Variants in MGST1 observed in about 807,000 individuals in gnomAD.
The protein encoded by MGST1 is microsomal glutathione S-transferase 1.
A neutral mutation model predicts 8.9 loss-of-function variants in MGST1; 5 were observed. The observed-to-expected ratio is 0.56, with a 90% CI of 0.29 to 1.19. The LOEUF is 1.19. Ranked by LOEUF, MGST1 falls within the 50% of genes most tolerant of loss-of-function variation. The pLI is 0.08. For synonymous variants in MGST1, 54 were observed against 67.8 expected, an observed-to-expected ratio of 0.80 and a Z score of 1.00; for missense variants, 182 against 187.4, an observed-to-expected ratio of 0.97 and a Z score of 0.17.
At chr12:16,381,393 T>C (rs1940452961), downstream of MGST1, among the ~76,000 whole-genome samples, 1 of 152,204 alleles carries the variant, frequency 6.6e-6, no homozygotes, top group African/African-American at 2.4e-5. Context: ...TCTCTTTCAC[T>C]TATGAAGCTT....
exon 4 of MGST1, chr12:16,377,149 T>G (rs1940393620): frequency 6.6e-6 from 1 of 152,092 alleles, no homozygotes; most frequent in Non-Finnish European, 1.5e-5. Context: ...GCGTGTGTTT[T>G]TTAAATTTTA....
At position 16,543,611 on chromosome 12, in the gene MGST1, C is replaced by G. The variant is rs144113942; in HGVS notation, n.483-45917C>G. On this transcript the variant is annotated intron_variant and non_coding_transcript_variant, in intron 4 of 4. Transcript: ENST00000538857. ...ATCAGACATTATGTTAAATGCTTGC[C>G]TTAGATTGTTTCATTTAATCTGCAA... is the stretch of plus-strand genomic sequence containing the variant. 4.2e-3 allele frequency among the ~76,000 whole-genome samples: 638 copies of G among 151,802 alleles called. 9 individuals carry two copies. Among genetic ancestry groups the G allele is most frequent in the African/African-American group, 0.015 (606 of 41,436 alleles).
intron 4 of MGST1, among the ~76,000 whole-genome samples, chr12:16,483,546 T>TCTG (rs1941379022): frequency 6.6e-6 from 1 of 152,146 alleles, no homozygotes; most frequent in South Asian, 2.1e-4. Flanking sequence ...TTGACATAGA[T>TCTG]ATATTAATAT....
Position 16,549,202 on chromosome 12 carries a change from T to C in MGST1, n.483-40326T>C, listed in dbSNP as rs1941897492. On this transcript the variant is annotated intron_variant and non_coding_transcript_variant, in intron 4 of 4. Transcript: ENST00000538857. ...CCACATATTTTTAATTTGTCTTGCTTTGTTTATTTTGGTTATGCAAGTCCT... is the reference window on the plus strand; with the variant it reads ...CCACATATTTTTAATTTGTCTTGCTCTGTTTATTTTGGTTATGCAAGTCCT... 3.3e-5 allele frequency: 5 copies of C among 152,242 alleles called. No individual in the cohort carries two copies. In the South Asian group the frequency reaches 1.0e-3, roughly 32 times the overall value. 9.4% of individuals were successfully genotyped at this position (152,242 alleles called of 1,614,324 possible). A position where few individuals can be genotyped will look rare whatever the true frequency, so the allele number is the denominator to read the frequency against.
At chr12:16,462,422 G>A (rs531306176) in intron 4 of MGST1, among the ~76,000 whole-genome samples, 108 of 152,206 alleles carry the variant, frequency 7.1e-4, no homozygotes, top group Non-Finnish European at 1.4e-3. Flanking sequence ...TTGCTGTCTT[G>A]TGTAACACAA....
intron 4 of MGST1, chr12:16,551,387 T>TG: frequency 9.8e-7 from 1 of 1,021,776 alleles, no homozygotes; most frequent in South Asian, 1.3e-5. Context: ...TCTAGAAATT[T>TG]GAAGATTTAT....
intron 4 of MGST1, among the ~76,000 whole-genome samples, chr12:16,538,022 A>C (rs1475128783): frequency 6.6e-6 from 1 of 152,158 alleles, no homozygotes; most frequent in Non-Finnish European, 1.5e-5. Context: ...TCTGGCTGCA[A>C]ATTTTCCAAA....
intron 4 of MGST1, among the ~76,000 whole-genome samples, chr12:16,520,138 A>G (rs1941639320): frequency 1.3e-5 from 2 of 152,170 alleles, no homozygotes; most frequent in African/African-American, 4.8e-5. Context: ...CGACCCAGAA[A>G]TTTTAGACCT....
At chr12:16,514,580 C>T (rs757166531) in intron 4 of MGST1, among the ~76,000 whole-genome samples, 15 of 152,238 alleles carry the variant, frequency 9.9e-5, no homozygotes, top group Admixed American at 2.0e-4. Context: ...CCTCCATCTA[C>T]GTGACAAAGG....
chr12:16,581,418 C>T, intron 4 of MGST1, among the ~76,000 whole-genome samples: 1 of 152,130 alleles, frequency 6.6e-6, no homozygotes, highest in East Asian at 1.9e-4. Flanking sequence ...ATCTGTACAG[C>T]ACTTAGCACA....
At chr12:16,462,556 A>C (rs60037066) in intron 4 of MGST1, among the ~76,000 whole-genome samples, 228 of 130,146 alleles carry the variant, frequency 1.8e-3, no homozygotes, top group African/African-American at 8.2e-3. Flanking sequence ...TTACCCCCCC[A>C]AAAAAAACTA....
At chr12:16,406,040 A>C (rs1940695710) in intron 1 of MGST1, among the ~76,000 whole-genome samples, 1 of 152,178 alleles carries the variant, frequency 6.6e-6, no homozygotes, top group Admixed American at 6.5e-5. Context: ...TATGTTACAT[A>C]GTATTGGAAG....
rs77852328 is a variant in MGST1, at chr12:16,465,634, G to A, written n.482+82030G>A. On this transcript the variant is annotated intron_variant and non_coding_transcript_variant, in intron 4 of 4. Transcript: ENST00000538857. ...AGGTGTCACTGTCTCCTATCACCCC[G>A]GATGGGACTGTCTAGTTGTAGAAAA... 9.5e-3 allele frequency among the ~76,000 whole-genome samples: 1,439 copies of A among 152,218 alleles called. 80 individuals carry two copies. The East Asian group carries it at 0.17, about 18-fold the overall frequency.
chr12:16,510,609 T>C (rs1247012100), intron 4 of MGST1, among the ~76,000 whole-genome samples: 1 of 152,222 alleles, frequency 6.6e-6, no homozygotes. Flanking sequence ...ACATTAAACA[T>C]TTCCCTGTGA....
At chr12:16,432,206 A>T (rs949516810) in intron 1 of MGST1, among the ~76,000 whole-genome samples, 3 of 152,098 alleles carry the variant, frequency 2.0e-5, no homozygotes, top group Non-Finnish European at 4.4e-5. Context: ...GATAAGTTTA[A>T]GGAGAGGTGA....
chr12:16,414,145 C>T (rs968193226), intron 1 of MGST1, among the ~76,000 whole-genome samples: 2 of 151,686 alleles, frequency 1.3e-5, no homozygotes, highest in Non-Finnish European at 2.9e-5. Flanking sequence ...CTCAGGTCCC[C>T]CCTAGCTTTC....
At chr12:16,509,799 A>G (rs530211375) in intron 4 of MGST1, among the ~76,000 whole-genome samples, 1 of 152,296 alleles carries the variant, frequency 6.6e-6, no homozygotes, top group African/African-American at 2.4e-5. Flanking sequence ...TCTAGGGTAT[A>G]TAGCCTTTCT....
chr12:16,443,111 G>T (rs530425206), downstream of MGST1, among the ~76,000 whole-genome samples: 8 of 151,746 alleles, frequency 5.3e-5, no homozygotes, highest in East Asian at 1.6e-3. Flanking sequence ...TCTATGACAT[G>T]TCTCTTTCTT....
At chr12:16,404,046 G>C (rs897654531) in intron 1 of MGST1, among the ~76,000 whole-genome samples, 1 of 152,084 alleles carries the variant, frequency 6.6e-6, no homozygotes, top group African/African-American at 2.4e-5. Context: ...TTGAAGTCTA[G>C]TACTCTGATT....
Sources: allele counts gnomAD v4.1 joint callset (sites outside exome capture counted in the v4.1 genomes callset), GRCh38; gene constraint gnomAD v4.1.1; transcripts MANE v1.5; gene names NCBI Gene and HGNC (gene_info 2026-07-23, HGNC 2026-07-21).